Variants in NKAIN3 observed in about 807,000 individuals in gnomAD.
The protein encoded by NKAIN3 is sodium/potassium transporting ATPase interacting 3.
A neutral mutation model predicts 30.2 loss-of-function variants in NKAIN3; 25 were observed. The ratio of observed to expected loss-of-function variants is 0.83; its 90% CI spans 0.60 to 1.16. The LOEUF is 1.16. NKAIN3 is among the 50% of genes most tolerant of loss of function. The probability of loss-of-function intolerance (pLI) is 0.00; values close to 1 mark genes in which losing one functional copy is unlikely to be tolerated. For synonymous variants in NKAIN3, 91 were observed against 89.6 expected, an observed-to-expected ratio of 1.02 and a Z score of -0.09; for missense variants, 225 against 254.1, an observed-to-expected ratio of 0.89 and a Z score of 0.78.
chr8:62,315,322 C>A (rs1585668360), intron 1 of NKAIN3, among the ~76,000 whole-genome samples: 1 of 152,132 alleles, frequency 6.6e-6, no homozygotes, highest in African/African-American at 2.4e-5. Context: ...ATTATTTTAG[C>A]CCATGCCATG....
chr8:62,330,520 C>G (rs1815308707), intron 1 of NKAIN3, among the ~76,000 whole-genome samples: 1 of 151,844 alleles, frequency 6.6e-6, no homozygotes, highest in South Asian at 2.1e-4. Flanking sequence ...TTAATTTACC[C>G]CACTAAGACC....
chr8:62,562,623 A>C (rs1423066796), intron 1 of NKAIN3, among the ~76,000 whole-genome samples: 7 of 152,150 alleles, frequency 4.6e-5, no homozygotes. Flanking sequence ...AAAGATAAGT[A>C]GTTGATGGTG....
downstream of NKAIN3, among the ~76,000 whole-genome samples, chr8:62,989,070 C>T (rs1824263895): frequency 3.3e-5 from 5 of 152,174 alleles, no homozygotes; most frequent in Admixed American, 3.3e-4. Context: ...CCATCTGAGA[C>T]CACCTCAGCC....
At chr8:62,372,076 G>T (rs1471834795) in intron 1 of NKAIN3, among the ~76,000 whole-genome samples, 2 of 151,772 alleles carry the variant, frequency 1.3e-5, no homozygotes, top group Non-Finnish European at 2.9e-5. Flanking sequence ...AAACATAATG[G>T]TTTTAATACT....
At chr8:62,521,820 A>G (rs1808168221) in intron 1 of NKAIN3, among the ~76,000 whole-genome samples, 1 of 152,166 alleles carries the variant, frequency 6.6e-6, no homozygotes, top group Non-Finnish European at 1.5e-5. Context: ...GTCATCAAAT[A>G]TCTTTTTTCC....
At chr8:62,347,499 A>G (rs1816040377) in intron 1 of NKAIN3, among the ~76,000 whole-genome samples, 1 of 152,126 alleles carries the variant, frequency 6.6e-6, no homozygotes, top group Non-Finnish European at 1.5e-5. Flanking sequence ...TTGACTATAC[A>G]ATTACAAATT....
At chr8:62,457,049 C>T (rs770676552) in intron 1 of NKAIN3, among the ~76,000 whole-genome samples, 2 of 152,166 alleles carry the variant, frequency 1.3e-5, no homozygotes, top group Admixed American at 6.5e-5. Context: ...TGCATATCTC[C>T]AGTGCCTGGC....
chr8:62,919,472 C>T (rs1217113705), intron 5 of NKAIN3, among the ~76,000 whole-genome samples: 2 of 151,834 alleles, frequency 1.3e-5, no homozygotes, highest in Admixed American at 1.3e-4. Context: ...GTCTCGATCT[C>T]CTGACCTCGT....
chr8:62,297,963 C>T (rs1813894862), intron 1 of NKAIN3, among the ~76,000 whole-genome samples: 1 of 152,004 alleles, frequency 6.6e-6, no homozygotes, highest in East Asian at 1.9e-4. Flanking sequence ...GAAAATGTGG[C>T]ACATATATAC....
intron 4 of NKAIN3, among the ~76,000 whole-genome samples, chr8:62,816,274 T>TATG (rs1344211243): frequency 6.6e-6 from 1 of 152,176 alleles, no homozygotes; most frequent in African/African-American, 2.4e-5. Context: ...GTAGTCTTTG[T>TATG]ATGATTTGTT....
intron 1 of NKAIN3, among the ~76,000 whole-genome samples, chr8:62,367,743 A>G (rs367872384): frequency 1.3e-5 from 2 of 152,164 alleles, no homozygotes; most frequent in Non-Finnish European, 2.9e-5. Flanking sequence ...TAATCAGAGC[A>G]GTTAGGCAAG....
At chr8:62,750,747 G>A (rs1167934039) in intron 4 of NKAIN3, among the ~76,000 whole-genome samples, 2 of 152,084 alleles carry the variant, frequency 1.3e-5, no homozygotes, top group Non-Finnish European at 2.9e-5. Context: ...AAATCAGCGC[G>A]GAATCCATAG....
chr8:62,917,198 CTG>C (rs1475998248), intron 4 of NKAIN3, among the ~76,000 whole-genome samples: 3 of 152,176 alleles, frequency 2.0e-5, no homozygotes, highest in Non-Finnish European at 2.9e-5. Flanking sequence ...TCTCCACACA[CTG>C]TAACCAAAAG....
chr8:62,408,759 G>T (rs183165968), intron 1 of NKAIN3, among the ~76,000 whole-genome samples: 1 of 152,124 alleles, frequency 6.6e-6, no homozygotes, highest in Non-Finnish European at 1.5e-5. Context: ...ATGGAGGAAA[G>T]TGAAAAAGTG....
chr8:62,453,159 T>C (rs1459867046), intron 1 of NKAIN3, among the ~76,000 whole-genome samples: 1 of 152,214 alleles, frequency 6.6e-6, no homozygotes, highest in Non-Finnish European at 1.5e-5. Flanking sequence ...AAACCTTTAG[T>C]TCCACTTGCC....
At chr8:62,581,001 G>A (rs1390927972) in intron 2 of NKAIN3, among the ~76,000 whole-genome samples, 1 of 149,870 alleles carries the variant, frequency 6.7e-6, no homozygotes, top group Non-Finnish European at 1.5e-5. Context: ...TACTTGGGGG[G>A]CCAAGGCAGG....
chr8:62,728,134 T>C (rs1815317570), intron 3 of NKAIN3, among the ~76,000 whole-genome samples: 1 of 152,100 alleles, frequency 6.6e-6, no homozygotes, highest in Non-Finnish European at 1.5e-5. Context: ...AGACATAGAC[T>C]TCATACTCTT....
intron 1 of NKAIN3, among the ~76,000 whole-genome samples, chr8:62,292,173 G>A (rs543278694): frequency 1.4e-3 from 215 of 149,818 alleles, no homozygotes; most frequent in African/African-American, 5.2e-3. Context: ...CACACTGATG[G>A]GTCTTGACTC....
chr8:62,957,488 C>T (rs531087192), intron 6 of NKAIN3, among the ~76,000 whole-genome samples: 1 of 152,232 alleles, frequency 6.6e-6, no homozygotes, highest in African/African-American at 2.4e-5. Context: ...AGATGTCCTC[C>T]GTAGGTGAAT....
Sources: gnomAD v4.1 joint callset for allele counts (sites outside exome capture counted in the v4.1 genomes callset) on GRCh38, gnomAD v4.1.1 for gene constraint, MANE v1.5 for transcripts, NCBI Gene and HGNC (gene_info 2026-07-23, HGNC 2026-07-21) for gene names.